The following AGAP3 variants were observed in gnomAD, a reference collection of about 807,000 sequenced individuals.
AGAP3 encodes the protein ArfGAP with GTPase domain, ankyrin repeat and PH domain 3.
AGAP3 carries 24 observed loss-of-function variants against 96.9 expected under a neutral mutation model. That is an observed-to-expected ratio of 0.25 (90% CI 0.18 to 0.35). The LOEUF (loss-of-function observed/expected upper bound fraction) is 0.35. Ranked by LOEUF, AGAP3 falls within the 10% of genes least tolerant of loss-of-function variation. The pLI, the probability that AGAP3 is intolerant of heterozygous loss-of-function variation, is 1.00. For missense variants in AGAP3, 876 were observed against 1,254.2 expected (o/e 0.70, Z 4.55); for synonymous variants, 563 against 536.1 (o/e 1.05, Z -0.69).
chr7:151,102,222 G>A (rs1290176302), intron 1 of AGAP3, among the ~76,000 whole-genome samples: 2 of 152,250 alleles, frequency 1.3e-5, no homozygotes, highest in East Asian at 1.9e-4. Context: ...CCTGGGGCAC[G>A]AGGACAGCGG....
chr7:151,143,642 C>T lies in AGAP3; in HGVS notation c.2529+46C>T. 6.2e-7 allele frequency: 1 copy of T among 1,601,076 alleles called. No individual in the cohort carries two copies. Among genetic ancestry groups the T allele is most frequent in the Non-Finnish European group, 8.5e-7 (1 of 1,171,876 alleles). ...CTGCCCTGACCTCGCTCTTCTTAGCCTTGTTCTTTGAAAGCAACCTCTTCT... is the reference window on the plus strand; with the variant it reads ...CTGCCCTGACCTCGCTCTTCTTAGCTTTGTTCTTTGAAAGCAACCTCTTCT... On this transcript the variant is annotated intron_variant, in intron 17 of 17. Coordinates refer to ENST00000397238, the MANE Select transcript of AGAP3 (RefSeq NM_031946.7). The surrounding 1 kb of genome is among the most constrained non-coding windows in gnomAD (Gnocchi z 5.9).
At position 151,143,366 on chromosome 7, in the gene AGAP3, G is replaced by A. The variant is rs770156891; in HGVS notation, c.2299G>A (p.Ala767Thr). ...CREEKERWIRAKYEQKLFLAP... is the reference protein window; with the variant it reads ...CREEKERWIRTKYEQKLFLAP... ...AGAGGAGAAGGAACGCTGGATACGGGCCAAGTATGAACAGAAGCTCTTCCT... is the reference window on the plus strand; with the variant it reads ...AGAGGAGAAGGAACGCTGGATACGGACCAAGTATGAACAGAAGCTCTTCCT... The change falls in exon 17 of 18, where the codon GCC (alanine) becomes ACC (threonine). Residue 767 changes from alanine (A) to threonine (T), a missense_variant. Ala to Thr is a moderately conservative substitution (Grantham distance 58). Transcript: ENST00000397238. This position sits in a 1 kb window ranked among gnomAD's most constrained non-coding sequence, Gnocchi z 5.9. 1 of 1,613,700 alleles carries A rather than the reference G, an allele frequency of 6.2e-7. No homozygotes were observed. Among genetic ancestry groups the A allele is most frequent in the Non-Finnish European group, 8.5e-7 (1 of 1,179,738 alleles).
intron 1 of AGAP3, among the ~76,000 whole-genome samples, chr7:151,110,417 G>A (rs6945208): frequency 0.02 from 3,111 of 152,286 alleles, 111 homozygotes; most frequent in African/African-American, 0.071. Context: ...GCAGGGCAGA[G>A]GCCCGGGAGG....
Position 151,118,157 on chromosome 7 carries a change from C to T in AGAP3, c.707-53C>T. 1 of 1,562,400 alleles carries T rather than the reference C, an allele frequency of 6.4e-7. No homozygotes were observed. The stretch of plus-strand genomic sequence containing the variant: ...CTTGGGCCAAATGCCCCCCACCACA[C>T]TACCCCAGCTTCTCCGAAAGCTGAA... On this transcript the variant is annotated intron_variant, in intron 5 of 17. Coordinates refer to ENST00000397238, the MANE Select transcript of AGAP3 (RefSeq NM_031946.7). The surrounding 1 kb of genome is among the most constrained non-coding windows in gnomAD (Gnocchi z 6.1).
At chr7:151,129,338 C>T (rs1322496886) in intron 10 of AGAP3, among the ~76,000 whole-genome samples, 1 of 152,140 alleles carries the variant, frequency 6.6e-6, no homozygotes, top group Non-Finnish European at 1.5e-5. Flanking sequence ...GCGTGCCCCC[C>T]ACTGCCCCGC....
At chr7:151,128,514 T>TGA in intron 9 of AGAP3, 66 bp from the exon 10 acceptor site, 2 of 1,394,124 alleles carry the variant, frequency 1.4e-6, no homozygotes, top group South Asian at 2.3e-5. Flanking sequence ...GACGACATCG[T>TGA]GACCTCCTCA....
intron 1 of AGAP3, among the ~76,000 whole-genome samples, chr7:151,100,345 A>G (rs957885390): frequency 6.6e-6 from 1 of 152,042 alleles, no homozygotes; most frequent in Non-Finnish European, 1.5e-5. Context: ...GTGAGGTGCC[A>G]CCTGAGCCTG....
intron 1 of AGAP3, among the ~76,000 whole-genome samples, chr7:151,106,591 C>G (rs1383678042): frequency 6.6e-6 from 1 of 152,148 alleles, no homozygotes; most frequent in African/African-American, 2.4e-5. Context: ...AATTCTCCTG[C>G]CTCAGCCTCC....
intron 1 of AGAP3, chr7:151,115,330 G>C: frequency 9.9e-7 from 1 of 1,014,296 alleles, no homozygotes; most frequent in Non-Finnish European, 1.2e-6. Flanking sequence ...GCGGCGCTCA[G>C]GAAGAGCTTC....
intron 7 of AGAP3, 151 bp from the exon 8 acceptor site, chr7:151,119,835 GT>G (rs1799784301): frequency 1.5e-6 from 1 of 668,942 alleles, no homozygotes; most frequent in African/African-American, 1.8e-5. Flanking sequence ...CCAGGTGAAT[GT>G]TCCCCCCATA....
intron 1 of AGAP3, among the ~76,000 whole-genome samples, chr7:151,089,439 G>C (rs974925151): frequency 6.6e-6 from 1 of 152,204 alleles, no homozygotes; most frequent in Non-Finnish European, 1.5e-5. Flanking sequence ...TGTTTCCTGG[G>C]GCTAAGCCTC....
At chr7:151,122,500 G>A (rs1467191432) in intron 8 of AGAP3, among the ~76,000 whole-genome samples, 1 of 148,998 alleles carries the variant, frequency 6.7e-6, no homozygotes, top group African/African-American at 2.6e-5. Flanking sequence ...AGGTGCCGCT[G>A]CCGCCCGCCG....
At chr7:151,088,745 T>C (rs1283182627) in intron 1 of AGAP3, among the ~76,000 whole-genome samples, 1 of 152,128 alleles carries the variant, frequency 6.6e-6, no homozygotes, top group Non-Finnish European at 1.5e-5. Flanking sequence ...CCTCCCCAGC[T>C]CAGGGGAGCC....
At chr7:151,131,543 G>C (rs1426506806) in intron 10 of AGAP3, among the ~76,000 whole-genome samples, 2 of 152,200 alleles carry the variant, frequency 1.3e-5, no homozygotes, top group African/African-American at 4.8e-5. Flanking sequence ...GCTGCTGCCT[G>C]TCTGAGGTTC....
chr7:151,112,045 C>T (rs1328052005), intron 1 of AGAP3: 5 of 152,244 alleles, frequency 3.3e-5, no homozygotes, highest in African/African-American at 1.2e-4. Flanking sequence ...TTATCAGGCA[C>T]AACAGAGACC....
chr7:151,093,120 G>A (rs986201042), intron 1 of AGAP3, among the ~76,000 whole-genome samples: 26 of 152,248 alleles, frequency 1.7e-4, no homozygotes, highest in African/African-American at 5.8e-4. Context: ...ATGTATGTAT[G>A]TATTATATGT....
Position 151,096,074 on chromosome 7 carries a change from G to A in AGAP3, c.331+9002G>A, listed in dbSNP as rs1420400251. 3.9e-5 allele frequency among the ~76,000 whole-genome samples: 6 copies of A among 152,240 alleles called. No individual in the cohort carries two copies. The highest frequency in any genetic ancestry group is 1.5e-5 in the Non-Finnish European group (1 of 68,040). ...AAAACATGGGCATCCGTTTCATGGT[G>A]TGGGCGTGAGAAGCAAATCAGTTAA... On this transcript the variant is annotated intron_variant, in intron 1 of 17. Coordinates refer to ENST00000397238, the MANE Select transcript of AGAP3 (RefSeq NM_031946.7). The surrounding 1 kb of genome is among the most constrained non-coding windows in gnomAD (Gnocchi z 4.4).
At position 151,114,828 on chromosome 7, in the gene AGAP3, C is replaced by T; in HGVS notation, c.332-1965C>T. On this transcript the variant is annotated intron_variant, in intron 1 of 17. Transcript: ENST00000397238. This position sits in a 1 kb window ranked among gnomAD's most constrained non-coding sequence, Gnocchi z 4.4. ...TCCCGGGGAGCGGCCCGCCGCTTGC[C>T]GCCGCGCCCACAGCGTCTGCGACTC... 1 of 1,056,092 alleles carries T rather than the reference C, an allele frequency of 9.5e-7. No individual in the cohort carries two copies. Among genetic ancestry groups the T allele is most frequent in the Non-Finnish European group, 1.1e-6 (1 of 876,848 alleles). 65.4% of individuals were successfully genotyped at this position (1,056,092 alleles called of 1,614,324 possible).
intron 1 of AGAP3, among the ~76,000 whole-genome samples, chr7:151,110,079 G>A (rs568083883): frequency 5.3e-5 from 8 of 152,314 alleles, no homozygotes; most frequent in African/African-American, 1.2e-4. Flanking sequence ...TCCAGGGTGC[G>A]CCGTGCCTTT....
Sources: allele counts gnomAD v4.1 joint callset (sites outside exome capture counted in the v4.1 genomes callset), GRCh38; gene constraint gnomAD v4.1.1; non-coding constraint Gnocchi (gnomAD v3.1); transcripts MANE v1.5; gene names NCBI Gene and HGNC (gene_info 2026-07-23, HGNC 2026-07-21).